The following CASK variants were observed in gnomAD, a reference collection of about 807,000 sequenced individuals.
CASK encodes peripheral plasma membrane protein CASK.
CASK carries 4 observed loss-of-function variants against 82.9 expected under a neutral mutation model. The observed-to-expected ratio is 0.05, with a 90% CI of 0.02 to 0.11. The LOEUF (loss-of-function observed/expected upper bound fraction) is 0.11, where lower values mean the gene tolerates loss of function less well. CASK is among the 10% of genes least tolerant of loss of function. The pLI, the probability that CASK is intolerant of heterozygous loss-of-function variation, is 1.00. For missense variants in CASK, 358 were observed against 720.9 expected (o/e 0.50, Z 5.76); for synonymous variants, 259 against 253.5 (o/e 1.02, Z -0.20).
intron 21 of CASK, chrX:41,552,783 C>A (rs2065116710): frequency 9.0e-6 from 1 of 111,409 alleles, no homozygotes; most frequent in African/African-American, 3.3e-5. Context: ...CATGGGATAG[C>A]TGAAAGAGGC....
chrX:41,778,819 A>C (rs1353143978), intron 3 of CASK, among the ~76,000 whole-genome samples: 1 of 109,666 alleles, frequency 9.1e-6, no homozygotes, highest in Admixed American at 9.8e-5. Flanking sequence ...TGACCACCTA[A>C]ATGTTTTTTA....
At chrX:41,533,681 C>T (rs757615413) in intron 24 of CASK, among the ~76,000 whole-genome samples, 57 of 111,665 alleles carry the variant, frequency 5.1e-4, no homozygotes, top group African/African-American at 1.7e-3. Context: ...TTTTTTGAGA[C>T]GGAGTTTCAC....
intron 1 of CASK, among the ~76,000 whole-genome samples, chrX:41,888,348 T>C (rs1202175141): frequency 9.0e-6 from 1 of 110,626 alleles, no homozygotes; most frequent in East Asian, 2.8e-4. Context: ...TTTTTATTTC[T>C]GAGATTTTGA....
intron 1 of CASK, among the ~76,000 whole-genome samples, chrX:41,915,680 C>T (rs370407382): frequency 9.1e-6 from 1 of 109,463 alleles, no homozygotes; most frequent in Non-Finnish European, 1.9e-5. Context: ...CCTGGTGAAA[C>T]CCCGTCTCTA....
intron 3 of CASK, among the ~76,000 whole-genome samples, chrX:41,746,557 A>G (rs1367793086): frequency 2.7e-5 from 3 of 110,924 alleles, no homozygotes; most frequent in African/African-American, 9.9e-5. Context: ...ATTTTGCCAT[A>G]TTATACATAT....
chrX:41,860,398 AG>A (rs2071455654), intron 1 of CASK, among the ~76,000 whole-genome samples: 1 of 111,824 alleles, frequency 8.9e-6, no homozygotes, highest in Non-Finnish European at 1.9e-5. Flanking sequence ...TGAAAATTAT[AG>A]ACATATATAA....
intron 2 of CASK, among the ~76,000 whole-genome samples, chrX:41,790,892 G>A (rs1008604032): frequency 8.9e-6 from 1 of 111,830 alleles, no homozygotes; most frequent in Non-Finnish European, 1.9e-5. Context: ...TTAAGTCCAC[G>A]CTGATATAGC....
intron 3 of CASK, among the ~76,000 whole-genome samples, chrX:41,770,341 C>G (rs779875745): frequency 5.7e-4 from 62 of 109,012 alleles, no homozygotes; most frequent in Non-Finnish European, 1.9e-4. Flanking sequence ...TCCATCCATC[C>G]ATCCATCCAT....
chrX:41,687,880 C>T (rs1356410098), intron 5 of CASK, among the ~76,000 whole-genome samples: 1 of 105,388 alleles, frequency 9.5e-6, no homozygotes, highest in African/African-American at 3.5e-5. Flanking sequence ...ATCGCTTGAA[C>T]CTGGGAGGTG....
At chrX:41,578,946 T>A (rs754867419) in intron 14 of CASK, among the ~76,000 whole-genome samples, 14 of 112,023 alleles carry the variant, frequency 1.2e-4, no homozygotes, top group African/African-American at 4.2e-4. Context: ...AATAAATGAG[T>A]GAATCAATGA....
chrX:41,745,175 G>A (rs1156539570), intron 4 of CASK, among the ~76,000 whole-genome samples: 1 of 111,175 alleles, frequency 9.0e-6, no homozygotes, highest in African/African-American at 3.3e-5. Context: ...ATGCCACCAC[G>A]CCCAGCTAAT....
In CASK at chrX:41,573,930, C is replaced by T. The variant is rs542389111; in HGVS notation, c.1504-4184G>A. Among the ~76,000 whole-genome samples, 7 of 107,800 alleles carry T rather than the reference C, an allele frequency of 6.5e-5. No individual in the cohort carries two copies. The East Asian group carries it at 8.8e-4, about 14-fold the overall frequency. 93.6% of individuals were successfully genotyped at this position (107,800 alleles called of 115,157 possible). On this transcript the variant is annotated intron_variant, in intron 15 of 26. Transcript: ENST00000378163. ...ATTACAGAGATAAGACTTCCCTGAG[C>T]GCTCTACACAATGAGCCATGAATTA...
chrX:41,856,689 A>G (rs1038457395), intron 1 of CASK, among the ~76,000 whole-genome samples: 1 of 107,969 alleles, frequency 9.3e-6, no homozygotes, highest in African/African-American at 3.4e-5. Context: ...CCAGCTACTC[A>G]GGAGGCTGAG....
chrX:41,641,909 C>T (rs1207905064), intron 8 of CASK, among the ~76,000 whole-genome samples: 11 of 94,863 alleles, frequency 1.2e-4, no homozygotes, highest in Admixed American at 8.2e-4. Flanking sequence ...CCCGACCCGA[C>T]GACAGGCCCC....
chrX:41,618,867 C>T (rs1241721611), intron 11 of CASK, among the ~76,000 whole-genome samples: 2 of 102,741 alleles, frequency 1.9e-5, no homozygotes, highest in African/African-American at 7.2e-5. Flanking sequence ...CACTCTGTCG[C>T]CCAGGCTGGA....
chrX:41,601,617 G>C (rs752084005), intron 12 of CASK, among the ~76,000 whole-genome samples: 1 of 111,534 alleles, frequency 9.0e-6, no homozygotes, highest in East Asian at 2.8e-4. Flanking sequence ...TGGGATGATA[G>C]TAAATTTATA....
chrX:41,568,264 A>G (rs2065353144), intron 16 of CASK, among the ~76,000 whole-genome samples: 1 of 111,388 alleles, frequency 9.0e-6, no homozygotes, highest in Non-Finnish European at 1.9e-5. Context: ...AAAGAAAAAA[A>G]AAAGAAAGAA....
At chrX:41,881,587 G>A (rs1476549533) in intron 1 of CASK, among the ~76,000 whole-genome samples, 4 of 111,374 alleles carry the variant, frequency 3.6e-5, no homozygotes, top group Admixed American at 2.9e-4. Context: ...AATAAATTTC[G>A]TAGAGTGAAT....
At chrX:41,584,992 C>T (rs2065635732) in intron 14 of CASK, 2 of 112,370 alleles carry the variant, frequency 1.8e-5, no homozygotes, top group Non-Finnish European at 3.8e-5. Context: ...ATGAGAACAA[C>T]AAAACTGGGC....
Sources: allele counts gnomAD v4.1 joint callset (sites outside exome capture counted in the v4.1 genomes callset), GRCh38; gene constraint gnomAD v4.1.1; transcripts MANE v1.5; gene names NCBI Gene and HGNC (gene_info 2026-07-23, HGNC 2026-07-21).